The following TTC6 variants were observed in gnomAD, a reference collection of about 807,000 sequenced individuals.
The protein encoded by TTC6 is tetratricopeptide repeat protein 6.
In TTC6, 172 loss-of-function variants were observed where a neutral mutation model predicts 210.4. The ratio of observed to expected loss-of-function variants is 0.82; its 90% CI spans 0.72 to 0.93. The LOEUF (loss-of-function observed/expected upper bound fraction) is 0.93, where lower values mean the gene tolerates loss of function less well. TTC6 is among the 40% of genes least tolerant of loss of function. The pLI, the probability that TTC6 is intolerant of heterozygous loss-of-function variation, is 0.00. For missense variants in TTC6, 2,414 were observed against 2,318.1 expected (o/e 1.04, Z -0.85); for synonymous variants, 804 against 819.6 (o/e 0.98, Z 0.32).
Position 37,629,595 on chromosome 14 carries a change from T to G in TTC6, c.939+6592T>G, listed in dbSNP as rs537064292. ...CTTCACTTCCTATTTGAACACACTT[T>G]ATTTCTTTCTCTTGCCTGATTGCTC... is the stretch of plus-strand genomic sequence containing the variant. On this transcript the variant is annotated intron_variant, in intron 1 of 30. Transcript: ENST00000553443. Among the ~76,000 whole-genome samples the G allele has an allele frequency of 6.6e-5, 10 of 152,340 alleles. No homozygotes were observed. The East Asian group carries it at 1.9e-3, about 29-fold the overall frequency.
intron 24 of TTC6, among the ~76,000 whole-genome samples, chr14:37,811,828 T>C (rs532565427): frequency 6.6e-6 from 1 of 152,218 alleles, no homozygotes; most frequent in South Asian, 2.1e-4. Context: ...GATTTTTTCA[T>C]TGGATACAAA....
intron 4 of TTC6, among the ~76,000 whole-genome samples, chr14:37,697,747 A>G (rs1458726396): frequency 6.6e-6 from 1 of 152,192 alleles, no homozygotes; most frequent in Non-Finnish European, 1.5e-5. Flanking sequence ...TTTAGTTAGC[A>G]AGATTATGTA....
chr14:37,795,964 A>G (rs1595279135), intron 18 of TTC6, among the ~76,000 whole-genome samples: 1 of 152,160 alleles, frequency 6.6e-6, no homozygotes, highest in South Asian at 2.1e-4. Flanking sequence ...TTAGCAATTT[A>G]TGTAGATACC....
At chr14:37,668,504 C>T (rs1417900914) in intron 1 of TTC6, among the ~76,000 whole-genome samples, 3 of 141,808 alleles carry the variant, frequency 2.1e-5, no homozygotes, top group South Asian at 2.2e-4. Flanking sequence ...ACTAGGCATG[C>T]ACTTCTCATA....
At chr14:37,842,100 G>T in intron 30 of TTC6, 55 bp from the exon 33 acceptor site, 3 of 1,401,386 alleles carry the variant, frequency 2.1e-6, no homozygotes, top group Non-Finnish European at 2.8e-6. Context: ...TGTAAAAAAA[G>T]AGACTATTTT....
chr14:37,628,400 A>C (rs2095664035), intron 1 of TTC6, among the ~76,000 whole-genome samples: 1 of 152,210 alleles, frequency 6.6e-6, no homozygotes, highest in South Asian at 2.1e-4. Context: ...GACCACATAA[A>C]TGTCTTCTTT....
At chr14:37,743,744 T>A (rs1378874250) in intron 10 of TTC6, among the ~76,000 whole-genome samples, 3 of 152,232 alleles carry the variant, frequency 2.0e-5, no homozygotes, top group African/African-American at 7.2e-5. Context: ...GACCCCTCAT[T>A]CAACTCTGTT....
chr14:37,823,459 G>T (rs2096162783), intron 26 of TTC6, among the ~76,000 whole-genome samples: 1 of 152,212 alleles, frequency 6.6e-6, no homozygotes, highest in South Asian at 2.1e-4. Context: ...AATGCCATGT[G>T]GACTTTAATA....
At chr14:37,751,000 C>A in intron 12 of TTC6, 53 bp from the exon 15 acceptor site, 1 of 1,226,052 alleles carries the variant, frequency 8.2e-7, no homozygotes, top group Non-Finnish European at 1.1e-6. Flanking sequence ...TTAAAATTTT[C>A]ATAGGAATGA....
At chr14:37,789,939 T>C (rs1410404162) in intron 15 of TTC6, among the ~76,000 whole-genome samples, 1 of 152,020 alleles carries the variant, frequency 6.6e-6, no homozygotes, top group Non-Finnish European at 1.5e-5. Flanking sequence ...TGAGAAGCTT[T>C]AAAGATATCT....
intron 1 of TTC6, among the ~76,000 whole-genome samples, chr14:37,633,726 C>A (rs1402308026): frequency 1.3e-5 from 2 of 152,190 alleles, no homozygotes; most frequent in Admixed American, 1.3e-4. Flanking sequence ...AGTAAAGAGG[C>A]CACTCGCTCC....
intron 21 of TTC6, among the ~76,000 whole-genome samples, chr14:37,806,092 A>G (rs978879917): frequency 4.6e-5 from 7 of 152,202 alleles, no homozygotes; most frequent in Non-Finnish European, 7.3e-5. Context: ...AATCTGAAGA[A>G]TAATTAAAAT....
At chr14:37,596,900 C>A (rs1262816343) in intron 1 of TTC6, among the ~76,000 whole-genome samples, 1 of 152,002 alleles carries the variant, frequency 6.6e-6, no homozygotes, top group Non-Finnish European at 1.5e-5. Flanking sequence ...GCAAGAGAAT[C>A]ACTTTAAATC....
intron 1 of TTC6, among the ~76,000 whole-genome samples, chr14:37,678,543 C>A (rs561251230): frequency 5.9e-5 from 9 of 152,292 alleles, no homozygotes; most frequent in Non-Finnish European, 1.3e-4. Context: ...AATTCTAGCC[C>A]CTTTGTCCTC....
Position 37,736,012 on chromosome 14 carries a change from T to G in TTC6, c.1908+2T>G, listed in dbSNP as rs1453413851. On this transcript the variant is annotated splice_donor_variant, in intron 8 of 30. Transcript: ENST00000553443. LOFTEE classifies it high-confidence loss of function. ...CAACATAGCAGAACAAATTTTTGGG[T>G]ATGTACAATTTTTGTTCTTAATTAG... 6.7e-7 allele frequency: 1 copy of G among 1,499,408 alleles called. No homozygotes were observed. The highest frequency in any genetic ancestry group is 9.0e-7 in the Non-Finnish European group (1 of 1,115,812). 92.9% of individuals were successfully genotyped at this position (1,499,408 alleles called of 1,614,324 possible).
chr14:37,750,127 T>C (rs1324527702), intron 12 of TTC6, among the ~76,000 whole-genome samples: 1 of 152,206 alleles, frequency 6.6e-6, no homozygotes, highest in Admixed American at 6.5e-5. Context: ...AAATAGTTAG[T>C]TATAGAAGTA....
At chr14:37,653,114 C>G (rs1256881540) in intron 1 of TTC6, among the ~76,000 whole-genome samples, 1 of 152,222 alleles carries the variant, frequency 6.6e-6, no homozygotes, top group Non-Finnish European at 1.5e-5. Context: ...GCCCTTTGAT[C>G]TGGTATAATC....
At chr14:37,649,806 GT>G (rs1315554779) in intron 1 of TTC6, among the ~76,000 whole-genome samples, 1 of 152,182 alleles carries the variant, frequency 6.6e-6, no homozygotes, top group Non-Finnish European at 1.5e-5. Flanking sequence ...CCAAGGCAAC[GT>G]ATAGTTAGTG....
exon 29 of TTC6, chr14:37,827,251 G>C (rs776920475): frequency 2.5e-6 from 4 of 1,612,884 alleles, no homozygotes; most frequent in Admixed American, 3.3e-5. Flanking sequence ...GAGTTTATGG[G>C]CCACAAACAG....
Sources: gnomAD v4.1 joint callset for allele counts (sites outside exome capture counted in the v4.1 genomes callset) on GRCh38, gnomAD v4.1.1 for gene constraint, MANE v1.5 for transcripts, NCBI Gene and HGNC (gene_info 2026-07-23, HGNC 2026-07-21) for gene names.